Variants in SDK1 observed in about 807,000 individuals in gnomAD.
SDK1 encodes sidekick cell adhesion molecule 1.
SDK1 carries 157 observed loss-of-function variants against 245.5 expected under a neutral mutation model. That is an observed-to-expected ratio of 0.64 (90% CI 0.56 to 0.73). SDK1 has a LOEUF of 0.73. Among genes scored for constraint, SDK1 ranks in the 30% least tolerant of loss-of-function variants. The probability of loss-of-function intolerance (pLI) is 0.00; values close to 1 mark genes in which losing one functional copy is unlikely to be tolerated. For synonymous variants in SDK1, 1,647 were observed against 1,278.5 expected, an observed-to-expected ratio of 1.29 and a Z score of -6.15; for missense variants, 3,583 against 3,002.3, an observed-to-expected ratio of 1.19 and a Z score of -4.52.
At chr7:3,712,868 A>T (rs1785090059) in intron 4 of SDK1, among the ~76,000 whole-genome samples, 1 of 152,208 alleles carries the variant, frequency 6.6e-6, no homozygotes. Context: ...AGGTGCCCCC[A>T]CAATATAGAC....
chr7:3,555,359 T>C (rs1309990605), intron 1 of SDK1, among the ~76,000 whole-genome samples: 2 of 152,194 alleles, frequency 1.3e-5, no homozygotes, highest in African/African-American at 4.8e-5. Context: ...TAAATGTTGC[T>C]GGGAAAACTG....
At chr7:3,962,032 C>T (rs1422993863) in intron 8 of SDK1, among the ~76,000 whole-genome samples, 1 of 152,104 alleles carries the variant, frequency 6.6e-6, no homozygotes, top group African/African-American at 2.4e-5. Context: ...GACACATGCA[C>T]ATATATACAC....
intron 1 of SDK1, among the ~76,000 whole-genome samples, chr7:3,413,707 A>T (rs1779278484): frequency 6.6e-6 from 1 of 151,728 alleles, no homozygotes; most frequent in African/African-American, 2.4e-5. Context: ...ATAAATAAAT[A>T]ACTAGGAGGC....
intron 1 of SDK1, among the ~76,000 whole-genome samples, chr7:3,321,814 TTCCTTCCTTCCTTC>T (rs749839309): frequency 1.6e-3 from 209 of 129,742 alleles, no homozygotes; most frequent in Non-Finnish European, 2.8e-3. Context: ...CCTTCCTTCC[TTCCTTCCTTCCTTC>T]CTCCTTTTCT....
intron 1 of SDK1, among the ~76,000 whole-genome samples, chr7:3,401,164 C>A (rs1055429478): frequency 2.6e-5 from 4 of 152,150 alleles, no homozygotes; most frequent in African/African-American, 9.7e-5. Context: ...GCTTCACTTA[C>A]TAAAATCCAT....
chr7:3,602,856 A>C (rs1583215624), intron 1 of SDK1, among the ~76,000 whole-genome samples: 1 of 152,000 alleles, frequency 6.6e-6, no homozygotes, highest in African/African-American at 2.4e-5. Flanking sequence ...TTTTTGTATA[A>C]GGTGTAAGGA....
At chr7:4,194,740 C>T (rs1783482001) in intron 35 of SDK1, among the ~76,000 whole-genome samples, 1 of 152,170 alleles carries the variant, frequency 6.6e-6, no homozygotes, top group Non-Finnish European at 1.5e-5. Flanking sequence ...GTGCACACCA[C>T]ATTAAGGGTG....
chr7:3,429,476 G>T (rs1779769745), intron 1 of SDK1, among the ~76,000 whole-genome samples: 1 of 152,102 alleles, frequency 6.6e-6, no homozygotes. Flanking sequence ...TGAAAAGAAG[G>T]ATATTTGGGG....
At chr7:3,992,877 A>T (rs1784445733) in intron 14 of SDK1, among the ~76,000 whole-genome samples, 1 of 152,220 alleles carries the variant, frequency 6.6e-6, no homozygotes, top group South Asian at 2.1e-4. Flanking sequence ...AAAGAAATGC[A>T]AATAAATGCA....
chr7:3,579,757 C>T (rs1780421494), intron 1 of SDK1, among the ~76,000 whole-genome samples: 2 of 152,034 alleles, frequency 1.3e-5, no homozygotes, highest in South Asian at 4.1e-4. Flanking sequence ...GTTGCAATTC[C>T]CCAAAGAGGT....
intron 25 of SDK1, among the ~76,000 whole-genome samples, chr7:4,121,319 A>C (rs1412351292): frequency 3.3e-5 from 5 of 152,170 alleles, no homozygotes; most frequent in African/African-American, 1.2e-4. Context: ...CTCATCTCAA[A>C]TTGTAATCTC....
intron 25 of SDK1, among the ~76,000 whole-genome samples, chr7:4,115,744 C>G (rs1352476971): frequency 6.6e-6 from 1 of 152,208 alleles, no homozygotes; most frequent in Non-Finnish European, 1.5e-5. Context: ...CAACCCAGAG[C>G]CTCCCTGCTT....
chr7:3,502,370 C>T (rs144788095), intron 1 of SDK1, among the ~76,000 whole-genome samples: 1,724 of 152,246 alleles, frequency 0.011, 42 homozygotes, highest in African/African-American at 0.039. Context: ...TTGCCTCAGC[C>T]TCCCGAGTAG....
At chr7:3,562,308 A>T (rs1779774475) in intron 1 of SDK1, among the ~76,000 whole-genome samples, 1 of 152,248 alleles carries the variant, frequency 6.6e-6, no homozygotes, top group African/African-American at 2.4e-5. Context: ...CTATTTGTTC[A>T]AGTAAAACAT....
At chr7:3,987,592 C>T (rs1783964321) in intron 14 of SDK1, among the ~76,000 whole-genome samples, 1 of 152,196 alleles carries the variant, frequency 6.6e-6, no homozygotes, top group East Asian at 1.9e-4. Flanking sequence ...CAGGGCTGCC[C>T]CGCACAGTGT....
At chr7:3,570,316 T>G (rs2128629265) in intron 1 of SDK1, among the ~76,000 whole-genome samples, 1 of 152,254 alleles carries the variant, frequency 6.6e-6, no homozygotes, top group African/African-American at 2.4e-5. Flanking sequence ...ATCCCTCACG[T>G]GCACAGTTCA....
At chr7:4,041,042 C>A (rs796425796) in intron 17 of SDK1, among the ~76,000 whole-genome samples, 3 of 152,262 alleles carry the variant, frequency 2.0e-5, no homozygotes, top group African/African-American at 2.4e-5. Context: ...CTTACCCTCA[C>A]TATCTGCCTA....
At chr7:4,047,637 T>G (rs1259260248) in intron 17 of SDK1, among the ~76,000 whole-genome samples, 3 of 152,246 alleles carry the variant, frequency 2.0e-5, no homozygotes, top group Admixed American at 2.0e-4. Flanking sequence ...ACATTCAGCC[T>G]TCGGCCATTC....
chr7:3,690,259 C>T (rs1288722912), intron 4 of SDK1, among the ~76,000 whole-genome samples: 2 of 152,108 alleles, frequency 1.3e-5, no homozygotes, highest in Non-Finnish European at 2.9e-5. Context: ...TAGCACAAAT[C>T]CAGAACTAAA....
Sources: gnomAD v4.1 joint callset for allele counts (sites outside exome capture counted in the v4.1 genomes callset) on GRCh38, gnomAD v4.1.1 for gene constraint, MANE v1.5 for transcripts, NCBI Gene and HGNC (gene_info 2026-07-23, HGNC 2026-07-21) for gene names.